The following TUSC3 variants were observed in gnomAD, a reference collection of about 807,000 sequenced individuals.
The protein encoded by TUSC3 is dolichyl-diphosphooligosaccharide--protein glycosyltransferase subunit TUSC3.
In TUSC3, 45 loss-of-function variants were observed where a neutral mutation model predicts 44.8. The observed-to-expected ratio is 1.00, with a 90% CI of 0.79 to 1.29. TUSC3 has a LOEUF of 1.29. TUSC3 is among the 50% of genes most tolerant of loss of function. TUSC3 has a pLI of 0.00. For missense variants in TUSC3, 519 were observed against 437.9 expected (o/e 1.19, Z -1.65); for synonymous variants, 212 against 152.9 (o/e 1.39, Z -2.85).
intron 1 of TUSC3, among the ~76,000 whole-genome samples, chr8:15,581,597 C>G (rs1466178640): frequency 6.7e-6 from 1 of 149,294 alleles, no homozygotes; most frequent in Non-Finnish European, 1.5e-5. Flanking sequence ...TCAGTGTGCC[C>G]CTGCTGCGGG....
chr8:15,462,026 G>A (rs1380322230), intron 1 of TUSC3, among the ~76,000 whole-genome samples: 1 of 151,996 alleles, frequency 6.6e-6, no homozygotes, highest in Non-Finnish European at 1.5e-5. Flanking sequence ...TTACTTTTGA[G>A]CAAGTCATAA....
intron 6 of TUSC3, chr8:15,689,589 A>G: frequency 6.4e-6 from 1 of 156,578 alleles, no homozygotes; most frequent in East Asian, 1.9e-4. Flanking sequence ...ACAGACACCA[A>G]CCCACCAACA....
In TUSC3 at chr8:15,687,365, A is replaced by G. The variant is rs80329428; in HGVS notation, c.798+13529A>G. Among the ~76,000 whole-genome samples the G allele has an allele frequency of 7.0e-3, 1,071 of 152,222 alleles. 10 individuals are homozygous for G. The highest frequency in any genetic ancestry group is 0.024 in the African/African-American group (991 of 41,532). On this transcript the variant is annotated intron_variant, in intron 6 of 10. Transcript: ENST00000503731. ...GAGTTACATGATATTTGAGGCTGCAATTGTTTTAGAATTTTGCCTCAGCAC... is the reference window on the plus strand; with the variant it reads ...GAGTTACATGATATTTGAGGCTGCAGTTGTTTTAGAATTTTGCCTCAGCAC...
intron 1 of TUSC3, among the ~76,000 whole-genome samples, chr8:15,566,130 T>A (rs573662531): frequency 9.2e-5 from 14 of 152,290 alleles, no homozygotes; most frequent in African/African-American, 3.1e-4. Flanking sequence ...ATTCTCAGTG[T>A]CTTCTCTAGA....
intron 1 of TUSC3, among the ~76,000 whole-genome samples, chr8:15,581,842 C>G (rs1415128031): frequency 1.7e-5 from 2 of 118,870 alleles, no homozygotes; most frequent in Non-Finnish European, 3.3e-5. Flanking sequence ...GTGGTGGGCT[C>G]CACCCAGTTG....
In TUSC3 at chr8:15,699,567, T is replaced by C. The variant is rs571608887; in HGVS notation, c.798+25731T>C. Among the ~76,000 whole-genome samples the C allele has an allele frequency of 4.6e-5, 7 of 152,360 alleles. No individual in the cohort carries two copies. In the East Asian group the frequency reaches 9.7e-4, roughly 21 times the overall value. On this transcript the variant is annotated intron_variant, in intron 6 of 10. Transcript: ENST00000503731. The stretch of plus-strand genomic sequence containing the variant: ...TGTTTGCTCCAGGAAAAAGATTATA[T>C]GCAGAAACTTATTTCCTTATTAAAT...
the TUSC3 span, among the ~76,000 whole-genome samples, chr8:15,814,350 T>C: frequency 2.6e-5 from 4 of 152,204 alleles, no homozygotes; most frequent in Non-Finnish European, 5.9e-5. Context: ...TTGCATTACC[T>C]GACTTCTTGC....
chr8:15,589,103 C>A (rs1293822848), intron 1 of TUSC3, among the ~76,000 whole-genome samples: 1 of 152,108 alleles, frequency 6.6e-6, no homozygotes, highest in African/African-American at 2.4e-5. Flanking sequence ...AATTTAAAGT[C>A]TGTTTGTCAG....
At chr8:15,563,205 T>C (rs1395509605) in intron 1 of TUSC3, among the ~76,000 whole-genome samples, 3 of 152,162 alleles carry the variant, frequency 2.0e-5, no homozygotes, top group Non-Finnish European at 4.4e-5. Context: ...ATGATAACTT[T>C]ATCATCACTT....
At chr8:15,484,575 A>C (rs986575108) in intron 2 of TUSC3, among the ~76,000 whole-genome samples, 14 of 152,266 alleles carry the variant, frequency 9.2e-5, no homozygotes, top group African/African-American at 3.4e-4. Context: ...ATTCCGGTGT[A>C]GGGCATAGAT....
chr8:15,835,443 C>T, the TUSC3 span, among the ~76,000 whole-genome samples: 3 of 151,598 alleles, frequency 2.0e-5, no homozygotes, highest in African/African-American at 7.3e-5. Flanking sequence ...TCATTGATTC[C>T]TGCCTTTATG....
At chr8:15,548,174 C>G (rs752719917) in intron 1 of TUSC3, among the ~76,000 whole-genome samples, 1 of 151,386 alleles carries the variant, frequency 6.6e-6, no homozygotes, top group South Asian at 2.1e-4. Flanking sequence ...GCAGCCCAAA[C>G]GAACGAAGAC....
intron 1 of TUSC3, among the ~76,000 whole-genome samples, chr8:15,622,828 C>T (rs749930735): frequency 7.2e-5 from 11 of 151,742 alleles, no homozygotes; most frequent in Non-Finnish European, 1.5e-4. Flanking sequence ...TTATGTCAAC[C>T]CCCATTGGCA....
At chr8:15,445,554 CA>C (rs1800085257) in intron 1 of TUSC3, among the ~76,000 whole-genome samples, 1 of 152,178 alleles carries the variant, frequency 6.6e-6, no homozygotes, top group African/African-American at 2.4e-5. Context: ...ATCTGTTTAA[CA>C]AAGCACATCT....
Position 15,735,891 on chromosome 8 carries a change from G to GTTTTTTT in TUSC3, c.862+5162_862+5163insTTTTTTT, listed in dbSNP as rs539526479. 9.8e-3 allele frequency among the ~76,000 whole-genome samples: 1,447 copies of GTTTTTTT among 147,268 alleles called. 11 individuals are homozygous for GTTTTTTT. The highest frequency in any genetic ancestry group is 0.028 in the Middle Eastern group (8 of 284). On this transcript the variant is annotated intron_variant, in intron 7 of 10. Coordinates refer to ENST00000503731, the MANE Select transcript of TUSC3 (RefSeq NM_006765.4). ...ATGGGTTTTTTTTTTTTGTTTTTTTGGTTTTTTTTTGTATTTTTAGTAGAG... is the reference window on the plus strand; with the variant it reads ...ATGGGTTTTTTTTTTTTGTTTTTTTGTTTTTTTGTTTTTTTTTGTATTTTTAGTAGAG...
At chr8:15,575,919 A>C (rs1026882591) in intron 1 of TUSC3, among the ~76,000 whole-genome samples, 6 of 152,122 alleles carry the variant, frequency 3.9e-5, no homozygotes, top group Non-Finnish European at 8.8e-5. Context: ...AAGTGTTATA[A>C]AGGTATAATC....
intron 5 of TUSC3, among the ~76,000 whole-genome samples, chr8:15,664,549 C>G (rs1807573050): frequency 6.7e-6 from 1 of 149,046 alleles, no homozygotes; most frequent in South Asian, 2.1e-4. Flanking sequence ...TTCTAAGATA[C>G]CTTGGCAGGT....
At chr8:15,585,952 C>G (rs189465743) in intron 1 of TUSC3, among the ~76,000 whole-genome samples, 1 of 151,610 alleles carries the variant, frequency 6.6e-6, no homozygotes, top group East Asian at 1.9e-4. Flanking sequence ...AGAATTCCTA[C>G]GGAATAAAGA....
Position 15,565,177 on chromosome 8 carries a change from T to C in TUSC3, c.138+24609T>C, listed in dbSNP as rs951911443. Among the ~76,000 whole-genome samples, 32 of 151,796 alleles carry C rather than the reference T, an allele frequency of 2.1e-4. 1 individual carries two copies. Among genetic ancestry groups the C allele is most frequent in the Non-Finnish European group, 4.1e-4 (28 of 67,944 alleles). On this transcript the variant is annotated intron_variant, in intron 1 of 10. Transcript: ENST00000503731. ...GCGTTGAGGGGAGCCTTTTTTTTTTTTTGTCTTTTGCAGTTTCTAGAGGCT... is the reference window on the plus strand; with the variant it reads ...GCGTTGAGGGGAGCCTTTTTTTTTTCTTGTCTTTTGCAGTTTCTAGAGGCT...
Sources: allele counts gnomAD v4.1 joint callset (sites outside exome capture counted in the v4.1 genomes callset), GRCh38; gene constraint gnomAD v4.1.1; transcripts MANE v1.5; gene names NCBI Gene and HGNC (gene_info 2026-07-23, HGNC 2026-07-21).